The following EIF4E3 variants were observed in gnomAD, a reference collection of about 807,000 sequenced individuals.
The protein encoded by EIF4E3 is eukaryotic translation initiation factor 4E type 3.
Under a neutral mutation model 31.7 loss-of-function variants are expected in EIF4E3, and 26 were observed. The ratio of observed to expected loss-of-function variants is 0.82; its 90% CI spans 0.60 to 1.14. The LOEUF (loss-of-function observed/expected upper bound fraction) is 1.14, where lower values mean the gene tolerates loss of function less well. Among genes scored for constraint, EIF4E3 ranks in the 50% most tolerant of loss-of-function variants. EIF4E3 has a pLI of 0.00. For synonymous variants in EIF4E3, 128 were observed against 107.7 expected (o/e 1.19, Z -1.17); for missense variants, 304 against 270.9 (o/e 1.12, Z -0.86).
chr3:71,750,608 T>C (rs938134888), intron 1 of EIF4E3, among the ~76,000 whole-genome samples: 21 of 152,196 alleles, frequency 1.4e-4, no homozygotes, highest in Non-Finnish European at 5.9e-5. Context: ...GTGGAGATCA[T>C]GAGGATGGAC....
intron 2 of EIF4E3, among the ~76,000 whole-genome samples, chr3:71,701,861 G>T (rs962186001): frequency 1.3e-5 from 2 of 152,182 alleles, no homozygotes; most frequent in Admixed American, 6.5e-5. Flanking sequence ...TACTAAAATG[G>T]TGCTAGTGTA....
At position 71,676,374 on chromosome 3, in the gene EIF4E3, T is replaced by C; in HGVS notation, c.*8308A>G. The C allele has an allele frequency of 6.6e-6, 1 of 152,198 alleles. No homozygotes were observed. The highest frequency in any genetic ancestry group is 1.9e-4 in the East Asian group (1 of 5,200). The allele number at this position is 152,198 out of a possible 1,614,324, so 9.4% of individuals were successfully genotyped here. A position where few individuals can be genotyped will look rare whatever the true frequency, so the allele number is the denominator to read the frequency against. On this transcript the variant is annotated 3_prime_UTR_variant, in exon 7 of 7. Coordinates refer to ENST00000425534, the MANE Select transcript of EIF4E3 (RefSeq NM_001134651.2). ...CCTGGGGTGACCGGCAAAGTTCTATTTCTTGGCCTGCTGTTATAGAGTGTT... is the reference window on the plus strand; with the variant it reads ...CCTGGGGTGACCGGCAAAGTTCTATCTCTTGGCCTGCTGTTATAGAGTGTT...
intron 1 of EIF4E3, among the ~76,000 whole-genome samples, chr3:71,733,202 A>G (rs531107079): frequency 3.9e-5 from 6 of 152,318 alleles, no homozygotes; most frequent in Admixed American, 3.3e-4. Flanking sequence ...CCCGAACGGT[A>G]GATACACAAG....
At chr3:71,743,471 A>C (rs895653169) in intron 1 of EIF4E3, among the ~76,000 whole-genome samples, 5 of 152,220 alleles carry the variant, frequency 3.3e-5, no homozygotes, top group African/African-American at 1.2e-4. Flanking sequence ...GCTGAGAGAA[A>C]TAAAAGAAGA....
rs1578325873 is a variant in EIF4E3, at chr3:71,680,951, G to C, written c.*3731C>G. 2 of 152,272 alleles carry C rather than the reference G, an allele frequency of 1.3e-5. No individual in the cohort carries two copies. Among genetic ancestry groups the C allele is most frequent in the African/African-American group, 4.8e-5 (2 of 41,550 alleles). 9.4% of individuals were successfully genotyped at this position (152,272 alleles called of 1,614,324 possible). On this transcript the variant is annotated 3_prime_UTR_variant, in exon 7 of 7. Coordinates refer to ENST00000425534, the MANE Select transcript of EIF4E3 (RefSeq NM_001134651.2). Reference sequence around the variant, plus strand: ...GAAGGGTAGAATTACATTTTTAAAAGGAAGTTCCATATTCAGAGTGCTAAA... The same window carrying C: ...GAAGGGTAGAATTACATTTTTAAAACGAAGTTCCATATTCAGAGTGCTAAA...
intron 1 of EIF4E3, among the ~76,000 whole-genome samples, chr3:71,716,697 G>C (rs141896505): frequency 6.6e-6 from 1 of 152,152 alleles, no homozygotes; most frequent in Non-Finnish European, 1.5e-5. Context: ...TAAATCTGAA[G>C]GTGGTAAGGT....
At chr3:71,696,349 G>T in intron 4 of EIF4E3, 111 bp downstream of exon 4, 1 of 1,150,328 alleles carries the variant, frequency 8.7e-7, no homozygotes, top group Non-Finnish European at 1.3e-6. Flanking sequence ...CCCCCAGCCT[G>T]TTTGGGGACT....
chr3:71,667,635 A>T, the EIF4E3 span, among the ~76,000 whole-genome samples: 1 of 152,216 alleles, frequency 6.6e-6, no homozygotes, highest in Non-Finnish European at 1.5e-5. Flanking sequence ...CCAAATCATG[A>T]GTGAACTCCC....
intron 2 of EIF4E3, among the ~76,000 whole-genome samples, chr3:71,710,127 C>T (rs943970131): frequency 6.6e-6 from 1 of 152,220 alleles, no homozygotes; most frequent in African/African-American, 2.4e-5. Context: ...AAAACCTTCG[C>T]TCTTAACCAC....
chr3:71,673,909 T>TTATATATATATATATATATA (rs796175405), downstream of EIF4E3, among the ~76,000 whole-genome samples: 1 of 138,130 alleles, frequency 7.2e-6, no homozygotes, highest in Non-Finnish European at 1.5e-5. Context: ...AATATAATAA[T>TTATATATATATATATATATA]TATATATATA....
chr3:71,710,938 CAG>C (rs1313264161), intron 1 of EIF4E3, among the ~76,000 whole-genome samples: 3 of 152,186 alleles, frequency 2.0e-5, no homozygotes, highest in African/African-American at 7.2e-5. Flanking sequence ...TCTTGAGAAA[CAG>C]AGTGACCATT....
At chr3:71,743,607 A>AT in intron 1 of EIF4E3, among the ~76,000 whole-genome samples, 1 of 152,200 alleles carries the variant, frequency 6.6e-6, no homozygotes, top group Non-Finnish European at 1.5e-5. Flanking sequence ...ATAGAATTAG[A>AT]TAACTTCATT....
rs1293330209 is a variant in EIF4E3 at position 71,676,860 on chromosome 3, A to G, written c.*7822T>C. 1 of 152,178 alleles carries G rather than the reference A, an allele frequency of 6.6e-6. No homozygotes were observed. The highest frequency in any genetic ancestry group is 6.6e-5 in the Admixed American group (1 of 15,258). 9.4% of individuals were successfully genotyped at this position (152,178 alleles called of 1,614,324 possible). A position where few individuals can be genotyped will look rare whatever the true frequency, so the allele number is the denominator to read the frequency against. ...GACACGGCTTTAGTGTTTAACCTTC[A>G]CTTCCATCATTCTTTTCCAGTAAGC... On this transcript the variant is annotated 3_prime_UTR_variant, in exon 7 of 7. Transcript: ENST00000425534.
chr3:71,696,412 A>G, intron 4 of EIF4E3, 48 bp downstream of exon 4: 2 of 1,608,152 alleles, frequency 1.2e-6, no homozygotes, highest in East Asian at 2.2e-5. Flanking sequence ...CAGGCAGTCA[A>G]CAACTCCAAG....
intron 1 of EIF4E3, among the ~76,000 whole-genome samples, chr3:71,739,460 C>A (rs2049798056): frequency 6.6e-6 from 1 of 152,008 alleles, no homozygotes; most frequent in Admixed American, 6.6e-5. Context: ...CTTTGGGAGG[C>A]CAAGGCCAGA....
At chr3:71,718,403 T>G (rs1278356072) in intron 1 of EIF4E3, among the ~76,000 whole-genome samples, 9 of 152,218 alleles carry the variant, frequency 5.9e-5, no homozygotes, top group Non-Finnish European at 1.3e-4. Flanking sequence ...CATGTTTATT[T>G]GATTTTGATT....
At position 71,678,265 on chromosome 3, in the gene EIF4E3, A is replaced by G. The variant is rs2048889542; in HGVS notation, c.*6417T>C. ...TTCTATACTATAAGAACCTCAATAC[A>G]GAATGAGAATTAGTAGCAACAGATT... On this transcript the variant is annotated 3_prime_UTR_variant, in exon 7 of 7. Coordinates refer to ENST00000425534, the MANE Select transcript of EIF4E3 (RefSeq NM_001134651.2). The G allele has an allele frequency of 6.6e-6, 1 of 152,256 alleles. No homozygotes were observed. Among genetic ancestry groups the G allele is most frequent in the South Asian group, 2.1e-4 (1 of 4,836 alleles). 9.4% of individuals were successfully genotyped at this position (152,256 alleles called of 1,614,324 possible).
chr3:71,750,739 G>C (rs545780264), intron 1 of EIF4E3, among the ~76,000 whole-genome samples: 31 of 151,632 alleles, frequency 2.0e-4, no homozygotes, highest in African/African-American at 6.1e-4. Flanking sequence ...GGGAAACATA[G>C]GGAGACCCCA....
chr3:71,708,568 T>A (rs892533845), intron 2 of EIF4E3, among the ~76,000 whole-genome samples: 4 of 151,904 alleles, frequency 2.6e-5, no homozygotes, highest in African/African-American at 9.7e-5. Flanking sequence ...CTCTACCAAA[T>A]ACCCTGGGTT....
Sources: gnomAD v4.1 joint callset for allele counts (sites outside exome capture counted in the v4.1 genomes callset) on GRCh38, gnomAD v4.1.1 for gene constraint, MANE v1.5 for transcripts, NCBI Gene and HGNC (gene_info 2026-07-23, HGNC 2026-07-21) for gene names.